The following ADGRL3 variants were observed in gnomAD, a reference collection of about 807,000 sequenced individuals.
The protein encoded by ADGRL3 is adhesion G protein-coupled receptor L3.
In ADGRL3, 62 loss-of-function variants were observed where a neutral mutation model predicts 153.5. The ratio of observed to expected loss-of-function variants is 0.40; its 90% CI spans 0.33 to 0.50. ADGRL3 has a LOEUF of 0.50. Among genes scored for constraint, ADGRL3 ranks in the 20% least tolerant of loss-of-function variants. The pLI is 0.47. For missense variants in ADGRL3, 1,641 were observed against 1,859.4 expected (o/e 0.88, Z 2.16); for synonymous variants, 710 against 672.5 (o/e 1.06, Z -0.86).
rs184297067 is a variant in ADGRL3, at chr4:61,733,220, T to G, written c.1065T>G (p.Ile355Met). ...ATEQNNGKIV[I>M]SQLNPYTLRI... is the part of the protein sequence containing the mutation. ...AACAAAACAATGGTAAAATTGTCATTAGTCAATTGAACCCTTACACCCTAC... is the reference window on the plus strand; with the variant it reads ...AACAAAACAATGGTAAAATTGTCATGAGTCAATTGAACCCTTACACCCTAC... Residue 355 changes from isoleucine to methionine, a missense_variant, in exon 8 of 27, where the codon ATT becomes ATG. Around this residue, in one of 5 missense-constraint regions of ADGRL3, gnomAD observed 213 missense variants for 362.1 expected, o/e 0.59. Coordinates refer to ENST00000683033, the MANE Select transcript of ADGRL3 (RefSeq NM_001387552.1). 6.2e-7 allele frequency: 1 copy of G among 1,613,340 alleles called. No homozygotes were observed. Among genetic ancestry groups the G allele is most frequent in the Admixed American group, 1.7e-5 (1 of 59,868 alleles).
At chr4:61,300,611 T>C (rs1216444610) in intron 1 of ADGRL3, among the ~76,000 whole-genome samples, 2 of 152,132 alleles carry the variant, frequency 1.3e-5, no homozygotes, top group Non-Finnish European at 2.9e-5. Context: ...ATTACATGTC[T>C]CTGGGTAGTG....
intron 25 of ADGRL3, among the ~76,000 whole-genome samples, chr4:62,057,529 A>C (rs887513809): frequency 1.4e-4 from 21 of 152,180 alleles, no homozygotes; most frequent in African/African-American, 4.8e-4. Flanking sequence ...TTTCTTCTAA[A>C]TATGTGGTAA....
chr4:61,948,155 C>T lies in ADGRL3; in HGVS notation c.2684C>T (p.Thr895Ile). The change falls in exon 17 of 27, where the codon ACA becomes ATA. Residue 895 changes from threonine to isoleucine, a missense_variant. Thr to Ile is a moderately conservative substitution (Grantham distance 89). This residue lies in a region of ADGRL3 where 734 missense variants were observed against 797.0 expected (regional missense o/e 0.92). Coordinates refer to ENST00000683033, the MANE Select transcript of ADGRL3 (RefSeq NM_001387552.1). ...TCATTTTGGAGCTACTCCAAGCGTA[C>T]AATGACAGGTTATTGGTCAACACAA... Reference protein sequence around the residue: ...NCSFWSYSKRTMTGYWSTQGC... With the variant: ...NCSFWSYSKRIMTGYWSTQGC... The T allele has an allele frequency of 6.2e-7, 1 of 1,613,684 alleles. No individual in the cohort carries two copies. Among genetic ancestry groups the T allele is most frequent in the Non-Finnish European group, 8.5e-7 (1 of 1,179,776 alleles).
intron 2 of ADGRL3, among the ~76,000 whole-genome samples, chr4:61,391,396 A>T (rs2096800248): frequency 6.6e-6 from 1 of 152,204 alleles, no homozygotes; most frequent in South Asian, 2.1e-4. Flanking sequence ...CAAGCCATTC[A>T]TGAGGGATTC....
chr4:61,315,685 A>G (rs2095183389), intron 1 of ADGRL3, among the ~76,000 whole-genome samples: 2 of 152,144 alleles, frequency 1.3e-5, no homozygotes, highest in African/African-American at 4.8e-5. Context: ...GTGTAGAGAC[A>G]TAAAAGTAGC....
chr4:61,956,910 A>G (rs1332881617), intron 17 of ADGRL3, among the ~76,000 whole-genome samples: 1 of 152,038 alleles, frequency 6.6e-6, no homozygotes, highest in Non-Finnish European at 1.5e-5. Context: ...TTGTTTTGGT[A>G]CCAATACCAT....
intron 2 of ADGRL3, among the ~76,000 whole-genome samples, chr4:61,462,505 A>T (rs986199221): frequency 6.6e-6 from 1 of 152,116 alleles, no homozygotes; most frequent in Non-Finnish European, 1.5e-5. Context: ...TCTTCTGGAT[A>T]TGTTGGGCTT....
chr4:61,748,955 T>A (rs1340505990), intron 8 of ADGRL3, among the ~76,000 whole-genome samples: 2 of 151,290 alleles, frequency 1.3e-5, no homozygotes, highest in African/African-American at 4.9e-5. Flanking sequence ...TTTCGCAACC[T>A]ACTCATCTGA....
intron 9 of ADGRL3, among the ~76,000 whole-genome samples, chr4:61,866,287 A>G (rs571115269): frequency 9.2e-5 from 14 of 152,320 alleles, no homozygotes; most frequent in African/African-American, 3.1e-4. Context: ...ATGAGGGGAA[A>G]GCATCAAATC....
At chr4:61,486,945 A>G (rs759845935) in intron 2 of ADGRL3, among the ~76,000 whole-genome samples, 38 of 152,310 alleles carry the variant, frequency 2.5e-4, no homozygotes, top group Non-Finnish European at 5.0e-4. Context: ...AAAGACATAT[A>G]TAATGCCAGA....
intron 2 of ADGRL3, among the ~76,000 whole-genome samples, chr4:61,409,421 T>A (rs1012654592): frequency 1.8e-4 from 20 of 109,836 alleles, no homozygotes; most frequent in Admixed American, 1.4e-3. Flanking sequence ...ATATATATAT[T>A]ATATATATGT....
intron 9 of ADGRL3, among the ~76,000 whole-genome samples, chr4:61,856,912 TCCCTCCCTCCCG>T (rs2098274136): frequency 6.7e-6 from 1 of 148,248 alleles, no homozygotes; most frequent in Non-Finnish European, 1.5e-5. Flanking sequence ...CCTGCCTTCC[TCCCTCCCTCCCG>T]CCCTCCCTCC....
At chr4:61,777,101 G>A (rs779057458) in intron 8 of ADGRL3, among the ~76,000 whole-genome samples, 2 of 152,140 alleles carry the variant, frequency 1.3e-5, no homozygotes, top group Non-Finnish European at 2.9e-5. Context: ...TTGGGAGGCC[G>A]AGGTGGGTGG....
At chr4:62,030,545 G>T (rs1367406389) in intron 22 of ADGRL3, among the ~76,000 whole-genome samples, 1 of 151,488 alleles carries the variant, frequency 6.6e-6, no homozygotes, top group Admixed American at 6.6e-5. Context: ...ACAAATATAT[G>T]AATTTTGTTA....
chr4:62,031,702 T>C, intron 23 of ADGRL3, 92 bp downstream of exon 23: 2 of 849,144 alleles, frequency 2.4e-6, no homozygotes, highest in Non-Finnish European at 3.5e-6. Context: ...ATTCTTGATA[T>C]GTTTGTCTAC....
rs550938673 is a variant in ADGRL3 at position 61,881,486 on chromosome 4, C to A, written c.1481-11170C>A. Among the ~76,000 whole-genome samples the A allele has an allele frequency of 3.0e-3, 456 of 152,316 alleles. 2 individuals carry two copies. The highest frequency in any genetic ancestry group is 4.4e-3 in the Non-Finnish European group (302 of 68,026). On this transcript the variant is annotated intron_variant, in intron 9 of 26. Transcript: ENST00000683033. ...CTCCGCCTCCCAGGCTCAAGCAATT[C>A]TCCTGACTCAGCCTCCCAAGTAGGT...
At chr4:61,625,171 G>T (rs1319529441) in intron 5 of ADGRL3, among the ~76,000 whole-genome samples, 2 of 151,932 alleles carry the variant, frequency 1.3e-5, no homozygotes, top group Admixed American at 1.3e-4. Context: ...ATCATTCAAC[G>T]GTTATTTATT....
chr4:61,224,313 A>G (rs1746952846), intron 1 of ADGRL3, among the ~76,000 whole-genome samples: 1 of 152,154 alleles, frequency 6.6e-6, no homozygotes, highest in Non-Finnish European at 1.5e-5. Context: ...GCCGTTAAAT[A>G]TATGTTGTTT....
At chr4:61,762,733 T>C in intron 8 of ADGRL3, among the ~76,000 whole-genome samples, 1 of 152,166 alleles carries the variant, frequency 6.6e-6, no homozygotes, top group East Asian at 1.9e-4. Context: ...ACAAAAATCT[T>C]TGTTTCCTAA....
Sources: allele counts gnomAD v4.1 joint callset (sites outside exome capture counted in the v4.1 genomes callset), GRCh38; gene constraint gnomAD v4.1.1; regional missense constraint gnomAD v4.1.1; transcripts MANE v1.5; gene names NCBI Gene and HGNC (gene_info 2026-07-23, HGNC 2026-07-21).